SLC7A7: variants seen among roughly 807,000 people sequenced by gnomAD.
SLC7A7 encodes solute carrier family 7 member 7.
In SLC7A7, 39 loss-of-function variants were observed where a neutral mutation model predicts 47.9. The ratio of observed to expected loss-of-function variants is 0.81; its 90% CI spans 0.63 to 1.06. The LOEUF (loss-of-function observed/expected upper bound fraction) is 1.06, where lower values mean the gene tolerates loss of function less well. SLC7A7 is among the 50% of genes least tolerant of loss of function. The probability of loss-of-function intolerance (pLI) is 0.00; values close to 1 mark genes in which losing one functional copy is unlikely to be tolerated. For synonymous variants in SLC7A7, 234 were observed against 242.8 expected (o/e 0.96, Z 0.34); for missense variants, 588 against 632.0 (o/e 0.93, Z 0.75).
At chr14:22,809,657 T>G (rs2039270674) in intron 2 of SLC7A7, among the ~76,000 whole-genome samples, 2 of 151,928 alleles carry the variant, frequency 1.3e-5, no homozygotes, top group South Asian at 4.1e-4. Flanking sequence ...GTATTTTTAG[T>G]AGAGAGGGGG....
intron 4 of SLC7A7, among the ~76,000 whole-genome samples, chr14:22,776,537 A>G (rs1267106115): frequency 6.6e-6 from 1 of 152,214 alleles, no homozygotes; most frequent in Non-Finnish European, 1.5e-5. Context: ...TCATATTAGG[A>G]GACAGGACTG....
At chr14:22,779,048 C>T (rs1274198178) in intron 3 of SLC7A7, 111 bp from the exon 4 acceptor site, 5 of 1,355,766 alleles carry the variant, frequency 3.7e-6, no homozygotes, top group Non-Finnish European at 5.1e-6. Context: ...GGTAAGTGGC[C>T]TACAACACCT....
At position 22,815,362 on chromosome 14, in the gene SLC7A7, C is replaced by A. The variant is rs564753871; in HGVS notation, c.-85G>T. ...AAGCAGGTTCTCACGGCAGTGTGAGCAGCAGTCAGGGAGAGAAGTGCCTTC... is the reference window on the plus strand; with the variant it reads ...AAGCAGGTTCTCACGGCAGTGTGAGAAGCAGTCAGGGAGAGAAGTGCCTTC... On this transcript the variant is annotated 5_prime_UTR_variant, in exon 1 of 10. Transcript: ENST00000674313. 21 of 454,484 alleles carry A rather than the reference C, an allele frequency of 4.6e-5. No homozygotes were observed. The highest frequency in any genetic ancestry group is 8.8e-5 in the Non-Finnish European group (20 of 226,774). The allele number at this position is 454,484 out of a possible 1,614,324, so 28.2% of individuals were successfully genotyped here. A position where few individuals can be genotyped will look rare whatever the true frequency, so the allele number is the denominator to read the frequency against.
intron 2 of SLC7A7, among the ~76,000 whole-genome samples, chr14:22,789,531 G>A (rs2038886438): frequency 6.6e-6 from 1 of 151,880 alleles, no homozygotes; most frequent in South Asian, 2.1e-4. Flanking sequence ...AGGAGGCTGA[G>A]GCAGGAGAAT....
chr14:22,808,236 C>T (rs1175313684), intron 2 of SLC7A7, among the ~76,000 whole-genome samples: 1 of 151,870 alleles, frequency 6.6e-6, no homozygotes, highest in African/African-American at 2.4e-5. Flanking sequence ...TATTGCATGA[C>T]AATTATTTGT....
At chr14:22,778,661 G>C in intron 4 of SLC7A7, 132 bp downstream of exon 4, 9 of 897,940 alleles carry the variant, frequency 1.0e-5, no homozygotes, top group Non-Finnish European at 1.5e-5. Context: ...CTGAGCCTCA[G>C]GCCTCCCATC....
chr14:22,774,240 A>T (rs550656874), intron 8 of SLC7A7, 114 bp downstream of exon 8: 6 of 1,591,686 alleles, frequency 3.8e-6, no homozygotes, highest in Non-Finnish European at 5.2e-6. Context: ...TCAACACATT[A>T]CTAACGACCA....
rs574112642 is a variant in SLC7A7, at chr14:22,810,225, G to C, written c.499+2675C>G. The stretch of plus-strand genomic sequence containing the variant: ...CATGCCTGTAATCCCAGCACTTTGG[G>C]AGGCCGAGGTAGGCGGATTACCTGA... On this transcript the variant is annotated intron_variant, in intron 2 of 9. Transcript: ENST00000674313. Among the ~76,000 whole-genome samples, 6 of 152,104 alleles carry C rather than the reference G, an allele frequency of 3.9e-5. No homozygotes were observed. In the South Asian group the frequency reaches 1.2e-3, roughly 32 times the overall value.
Position 22,787,241 on chromosome 14 carries a change from G to A in SLC7A7, c.500-7190C>T, listed in dbSNP as rs186975297. 3.5e-3 allele frequency among the ~76,000 whole-genome samples: 528 copies of A among 152,014 alleles called. 5 individuals carry two copies. Among genetic ancestry groups the A allele is most frequent in the South Asian group, 7.1e-3 (34 of 4,810 alleles). On this transcript the variant is annotated intron_variant, in intron 2 of 9. Transcript: ENST00000674313. ...ACCTGAGGTCAGGAGTTTGAGACCA[G>A]GTTGGCCAACATAGTGAAACCCCGT...
At chr14:22,818,668 T>G (rs1484029208), upstream of SLC7A7, among the ~76,000 whole-genome samples, 1 of 146,780 alleles carries the variant, frequency 6.8e-6, no homozygotes, top group Non-Finnish European at 1.5e-5. Flanking sequence ...AGTGGCACAA[T>G]CTCTGCTCAC....
At position 22,785,525 on chromosome 14, in the gene SLC7A7, C is replaced by T. The variant is rs1352719522; in HGVS notation, c.500-5474G>A. On this transcript the variant is annotated intron_variant, in intron 2 of 9. Transcript: ENST00000674313. The stretch of plus-strand genomic sequence containing the variant: ...GGCAGATCATCTGAGGTTGGGAGTT[C>T]GAGACCAGCCTGACCAACATGGAGA... Among the ~76,000 whole-genome samples, 6 of 149,464 alleles carry T rather than the reference C, an allele frequency of 4.0e-5. No individual in the cohort carries two copies. In the East Asian group the frequency reaches 1.2e-3, roughly 30 times the overall value.
rs371759588 is a variant in SLC7A7 at position 22,806,512 on chromosome 14, CAGA to C, written c.499+6385_499+6387del. Among the ~76,000 whole-genome samples, 174 of 152,082 alleles carry C rather than the reference CAGA, an allele frequency of 1.1e-3. 2 individuals are homozygous for C. Among genetic ancestry groups the C allele is most frequent in the African/African-American group, 3.3e-3 (139 of 41,504 alleles). ...TGGAAGGGCCACATAAGCAGCCTGG[CAGA>C]AGACTTGGATGCCCTGTCTACCTCA... On this transcript the variant is annotated intron_variant, in intron 2 of 9. Transcript: ENST00000674313.
chr14:22,793,050 G>A (rs2038953999), intron 2 of SLC7A7, among the ~76,000 whole-genome samples: 1 of 151,316 alleles, frequency 6.6e-6, no homozygotes, highest in Non-Finnish European at 1.5e-5. Context: ...CCAAGTAGCT[G>A]AGACTACAGG....
intron 2 of SLC7A7, among the ~76,000 whole-genome samples, chr14:22,799,764 G>C (rs192682402): frequency 6.6e-6 from 1 of 151,896 alleles, no homozygotes; most frequent in Admixed American, 6.6e-5. Context: ...TGTTCCTATG[G>C]TTTCAATAAC....
At chr14:22,818,626 G>T (rs1392427336), upstream of SLC7A7, among the ~76,000 whole-genome samples, 1 of 137,000 alleles carries the variant, frequency 7.3e-6, no homozygotes, top group African/African-American at 2.9e-5. Flanking sequence ...TACCCGAGAT[G>T]GAGTTTTGCT....
intron 2 of SLC7A7, among the ~76,000 whole-genome samples, chr14:22,799,441 TTTC>T (rs2139433874): frequency 7.4e-6 from 1 of 135,816 alleles, no homozygotes; most frequent in South Asian, 2.3e-4. Flanking sequence ...TTTTTATTTT[TTTC>T]TTTCTTTTTT....
intron 2 of SLC7A7, among the ~76,000 whole-genome samples, chr14:22,783,160 C>T (rs1376720605): frequency 2.0e-5 from 3 of 151,918 alleles, no homozygotes; most frequent in African/African-American, 7.3e-5. Flanking sequence ...TCTCGAACTC[C>T]TGACCTTGTG....
upstream of SLC7A7, chr14:22,815,514 G>A (rs1431082434): frequency 4.4e-6 from 2 of 454,296 alleles, no homozygotes. Context: ...GAGTGAGGGA[G>A]GGGGAAAGGA....
chr14:22,776,423 G>T, intron 4 of SLC7A7, 105 bp from the exon 5 acceptor site: 1 of 1,438,200 alleles, frequency 7.0e-7, no homozygotes. Context: ...CAGGGATGGA[G>T]ACTGTTGCTA....
Sources: allele counts gnomAD v4.1 joint callset (sites outside exome capture counted in the v4.1 genomes callset), GRCh38; gene constraint gnomAD v4.1.1; transcripts MANE v1.5; gene names NCBI Gene and HGNC (gene_info 2026-07-23, HGNC 2026-07-21).